The following PDE3A variants were observed in gnomAD, a reference collection of about 807,000 sequenced individuals.
PDE3A encodes the protein phosphodiesterase 3A.
A neutral mutation model predicts 98.3 loss-of-function variants in PDE3A; 43 were observed. That is an observed-to-expected ratio of 0.44 (90% CI 0.34 to 0.56). The LOEUF is 0.56. Among genes scored for constraint, PDE3A ranks in the 20% least tolerant of loss-of-function variants. The pLI is 0.01. For synonymous variants in PDE3A, 663 were observed against 567.9 expected, an observed-to-expected ratio of 1.17 and a Z score of -2.38; for missense variants, 1,427 against 1,440.7, an observed-to-expected ratio of 0.99 and a Z score of 0.15.
chr12:20,608,587 T>A (rs1943770539), intron 2 of PDE3A, among the ~76,000 whole-genome samples: 1 of 152,180 alleles, frequency 6.6e-6, no homozygotes, highest in Admixed American at 6.5e-5. Flanking sequence ...CTTATAAAGA[T>A]GAGTTTTCAG....
At chr12:20,506,529 A>G (rs1362752766) in intron 1 of PDE3A, among the ~76,000 whole-genome samples, 1 of 152,030 alleles carries the variant, frequency 6.6e-6, no homozygotes, top group Non-Finnish European at 1.5e-5. Flanking sequence ...TAACATGTAG[A>G]TTAGTTTGTA....
intron 1 of PDE3A, among the ~76,000 whole-genome samples, chr12:20,381,463 A>G (rs1943661914): frequency 6.6e-6 from 1 of 151,786 alleles, no homozygotes; most frequent in South Asian, 2.1e-4. Context: ...AAAAACTAGA[A>G]CGCTTTATGA....
intron 1 of PDE3A, chr12:20,450,048 G>C (rs949126044): frequency 1.5e-5 from 9 of 616,932 alleles, no homozygotes; most frequent in African/African-American, 1.3e-4. Flanking sequence ...TTCCACAATT[G>C]CATATTTCTT....
chr12:20,667,432 T>A (rs938600273), intron 15 of PDE3A, among the ~76,000 whole-genome samples: 4 of 152,204 alleles, frequency 2.6e-5, no homozygotes, highest in African/African-American at 9.6e-5. Flanking sequence ...CTTTAATCTA[T>A]CTTGAGTTGA....
chr12:20,391,418 A>G lies in PDE3A; in HGVS notation c.960+21174A>G, dbSNP rs893816124. 2.0e-5 allele frequency among the ~76,000 whole-genome samples: 3 copies of G among 148,548 alleles called. No individual in the cohort carries two copies. The Admixed American group carries it at 2.0e-4, about 10-fold the overall frequency. On this transcript the variant is annotated intron_variant, in intron 1 of 15. Coordinates refer to ENST00000359062, the MANE Select transcript of PDE3A (RefSeq NM_000921.5). Reference sequence around the variant, plus strand: ...ACACACATACATGCATTATACATATATATATATATACAATTCCGGACCGTT... The same window carrying G: ...ACACACATACATGCATTATACATATGTATATATATACAATTCCGGACCGTT...
intron 10 of PDE3A, among the ~76,000 whole-genome samples, chr12:20,644,811 GCCTCCTCCTCCTCCTCCTTCCCCT>G: frequency 6.7e-6 from 1 of 149,008 alleles, no homozygotes; most frequent in East Asian, 2.0e-4. Flanking sequence ...TAGGATTTGA[GCCTCCTCCTCCTCCTCCTTCCCCT>G]CCTCCTCCTC....
At position 20,686,634 on chromosome 12, in the gene PDE3A, T is replaced by C. The variant is rs1945971099; in HGVS notation, c.*6363T>C. Among the ~76,000 whole-genome samples, 1 of 152,140 alleles carries C rather than the reference T, an allele frequency of 6.6e-6. No homozygotes were observed. The highest frequency in any genetic ancestry group is 6.5e-5 in the Admixed American group (1 of 15,268). ...ACAGCAGGATATTTTTCCTTTCCTG[T>C]TTCAAAACAAAAACCAGATGAAGAA... On this transcript the variant is annotated 3_prime_UTR_variant, in exon 16 of 16. Coordinates refer to ENST00000359062, the MANE Select transcript of PDE3A (RefSeq NM_000921.5).
At chr12:20,487,222 A>T (rs1025703020) in intron 1 of PDE3A, among the ~76,000 whole-genome samples, 2 of 152,156 alleles carry the variant, frequency 1.3e-5, no homozygotes, top group Admixed American at 6.6e-5. Context: ...ATTATGACTT[A>T]TACAAATATG....
At chr12:20,589,184 A>G (rs1943263435) in intron 2 of PDE3A, among the ~76,000 whole-genome samples, 1 of 152,056 alleles carries the variant, frequency 6.6e-6, no homozygotes, top group East Asian at 1.9e-4. Context: ...TCGGCCTCCC[A>G]AAGTGCTGGG....
intron 2 of PDE3A, among the ~76,000 whole-genome samples, chr12:20,584,519 TG>T (rs148216635): frequency 0.014 from 2,164 of 152,272 alleles, 54 homozygotes; most frequent in African/African-American, 0.05. Context: ...GATTTTTCCT[TG>T]GGGGTTGGCA....
At chr12:20,383,167 G>C (rs1318300939) in intron 1 of PDE3A, among the ~76,000 whole-genome samples, 2 of 151,862 alleles carry the variant, frequency 1.3e-5, no homozygotes, top group Admixed American at 6.6e-5. Flanking sequence ...TTGAGGGTCG[G>C]TTGTGTAGTG....
At chr12:20,376,704 T>G (rs3919734) in intron 1 of PDE3A, among the ~76,000 whole-genome samples, 116,846 of 151,760 alleles carry the variant, frequency 0.77, 45,438 homozygotes, top group East Asian at 0.98. Context: ...CTGCAGATTG[T>G]TAAGGCATTT....
intron 1 of PDE3A, among the ~76,000 whole-genome samples, chr12:20,394,641 A>G (rs1591881563): frequency 1.3e-5 from 2 of 152,216 alleles, no homozygotes; most frequent in East Asian, 3.9e-4. Flanking sequence ...AAATTTTACA[A>G]TTATAATCTC....
intron 3 of PDE3A, among the ~76,000 whole-genome samples, chr12:20,615,487 A>G (rs1943981925): frequency 1.3e-5 from 2 of 152,144 alleles, no homozygotes; most frequent in Admixed American, 1.3e-4. Flanking sequence ...TGAAGATAAT[A>G]AAGTCAATAA....
chr12:20,594,434 C>T (rs1400452689), intron 2 of PDE3A, among the ~76,000 whole-genome samples: 2 of 151,600 alleles, frequency 1.3e-5, no homozygotes, highest in East Asian at 3.9e-4. Context: ...CATATGAAGC[C>T]GAATTAAAGT....
At chr12:20,371,287 C>T (rs1300750392) in intron 1 of PDE3A, 10 of 910,760 alleles carry the variant, frequency 1.1e-5, no homozygotes, top group Non-Finnish European at 1.3e-5. Flanking sequence ...AAAAGCATAC[C>T]GAAGGGTATG....
chr12:20,374,842 G>A (rs1481158413), intron 1 of PDE3A, among the ~76,000 whole-genome samples: 1 of 152,014 alleles, frequency 6.6e-6, no homozygotes, highest in African/African-American at 2.4e-5. Flanking sequence ...AAAAGAAAGA[G>A]TTTATTTTGG....
At chr12:20,493,717 G>A (rs1042853481) in intron 1 of PDE3A, among the ~76,000 whole-genome samples, 4 of 152,090 alleles carry the variant, frequency 2.6e-5, no homozygotes, top group East Asian at 3.9e-4. Context: ...CGCAGCCTCC[G>A]ACTCCCAGGT....
In PDE3A at chr12:20,431,531, C is replaced by G. The variant is rs189141884; in HGVS notation, c.960+61287C>G. ...TTTAAGTTATTGTCAGGATTAAATT[C>G]AATCGAAAGAATTAAGTGTTAGGAA... On this transcript the variant is annotated intron_variant, in intron 1 of 15. Transcript: ENST00000359062. Among the ~76,000 whole-genome samples, 9 of 151,966 alleles carry G rather than the reference C, an allele frequency of 5.9e-5. No individual in the cohort carries two copies. In the East Asian group the frequency reaches 1.7e-3, roughly 29 times the overall value.
Sources: gnomAD v4.1 joint callset for allele counts (sites outside exome capture counted in the v4.1 genomes callset) on GRCh38, gnomAD v4.1.1 for gene constraint, MANE v1.5 for transcripts, NCBI Gene and HGNC (gene_info 2026-07-23, HGNC 2026-07-21) for gene names.